Variants in TMEM132B observed in about 807,000 individuals in gnomAD.
TMEM132B encodes transmembrane protein 132B.
Under a neutral mutation model 90.8 loss-of-function variants are expected in TMEM132B, and 18 were observed. That is an observed-to-expected ratio of 0.20 (90% CI 0.14 to 0.29). The LOEUF is 0.29. TMEM132B is among the 10% of genes least tolerant of loss of function. TMEM132B has a pLI of 1.00. For missense variants in TMEM132B, 1,096 were observed against 1,326.8 expected, an observed-to-expected ratio of 0.83 and a Z score of 2.70; for synonymous variants, 504 against 523.3, an observed-to-expected ratio of 0.96 and a Z score of 0.50.
intron 3 of TMEM132B, among the ~76,000 whole-genome samples, chr12:125,482,496 A>G (rs571450987): frequency 5.5e-4 from 84 of 152,240 alleles, no homozygotes; most frequent in Non-Finnish European, 9.8e-4. Context: ...CAACAGACAC[A>G]TGGAAAAATG....
intron 1 of TMEM132B, among the ~76,000 whole-genome samples, chr12:125,316,308 T>A (rs1876271194): frequency 6.6e-6 from 1 of 152,182 alleles, no homozygotes; most frequent in South Asian, 2.1e-4. Context: ...CCTTTGAGAA[T>A]AAAATCCAAG....
chr12:125,493,874 C>T (rs1379531925), intron 3 of TMEM132B, among the ~76,000 whole-genome samples: 2 of 148,878 alleles, frequency 1.3e-5, no homozygotes, highest in Non-Finnish European at 3.0e-5. Context: ...TGGATGCGTC[C>T]CTCCTCCCCC....
At chr12:125,554,532 C>T (rs747479976) in intron 4 of TMEM132B, among the ~76,000 whole-genome samples, 4 of 148,932 alleles carry the variant, frequency 2.7e-5, no homozygotes, top group East Asian at 4.0e-4. Context: ...CTTTTCTCTG[C>T]GTTGGTGGAT....
chr12:125,389,357 C>T (rs1180809100), intron 2 of TMEM132B, among the ~76,000 whole-genome samples: 5 of 148,342 alleles, frequency 3.4e-5, no homozygotes, highest in Non-Finnish European at 6.0e-5. Flanking sequence ...CCTCAACTCC[C>T]CTCCCCTTCC....
chr12:125,358,121 T>C (rs80210554), intron 2 of TMEM132B, among the ~76,000 whole-genome samples: 1,878 of 152,070 alleles, frequency 0.012, 44 homozygotes, highest in African/African-American at 0.042. Context: ...CATGCTCCCA[T>C]CCCTAATCAA....
intron 1 of TMEM132B, among the ~76,000 whole-genome samples, chr12:125,313,854 G>A (rs1274369613): frequency 6.6e-6 from 1 of 150,844 alleles, no homozygotes; most frequent in East Asian, 2.0e-4. Context: ...TTTGACCAAA[G>A]GCTCCCTGCC....
chr12:125,205,383 C>G (rs1276170630), intron 1 of TMEM132B, among the ~76,000 whole-genome samples: 1 of 151,202 alleles, frequency 6.6e-6, no homozygotes, highest in Non-Finnish European at 1.5e-5. Context: ...AGGCAGGGTG[C>G]TCAGCCCTTT....
chr12:125,647,019 TAA>T (rs1393151184), intron 6 of TMEM132B, among the ~76,000 whole-genome samples: 1 of 151,964 alleles, frequency 6.6e-6, no homozygotes, highest in African/African-American at 2.4e-5. Flanking sequence ...ATATAACTTA[TAA>T]AAAAGAACCA....
intron 4 of TMEM132B, among the ~76,000 whole-genome samples, chr12:125,577,093 T>C (rs1295900038): frequency 6.6e-6 from 1 of 152,002 alleles, no homozygotes; most frequent in Non-Finnish European, 1.5e-5. Flanking sequence ...TGTTAGACTT[T>C]ATTAATGAAG....
intron 6 of TMEM132B, among the ~76,000 whole-genome samples, chr12:125,648,023 A>T (rs1886810746): frequency 6.7e-6 from 1 of 149,660 alleles, no homozygotes; most frequent in Non-Finnish European, 1.5e-5. Flanking sequence ...ATCTAGCATT[A>T]GGTATATCTC....
At chr12:125,336,223 T>A (rs147290620) in intron 1 of TMEM132B, among the ~76,000 whole-genome samples, 1 of 152,192 alleles carries the variant, frequency 6.6e-6, no homozygotes, top group Non-Finnish European at 1.5e-5. Flanking sequence ...TCTAGAGTGT[T>A]ATGTAAGTGC....
At chr12:125,631,556 G>T (rs950034053) in intron 5 of TMEM132B, among the ~76,000 whole-genome samples, 1 of 151,964 alleles carries the variant, frequency 6.6e-6, no homozygotes, top group Non-Finnish European at 1.5e-5. Flanking sequence ...ATTTTCTGTT[G>T]GAAAGATCTG....
chr12:125,458,878 A>G lies in TMEM132B; in HGVS notation c.1106+43201A>G, dbSNP rs961330286. Among the ~76,000 whole-genome samples the G allele has an allele frequency of 6.6e-6, 1 of 152,172 alleles. No homozygotes were observed. Among genetic ancestry groups the G allele is most frequent in the Non-Finnish European group, 1.5e-5 (1 of 68,014 alleles). ...ACCTGGCTGTCTTTATTTTAGTTCC[A>G]TGCTATGACACTCCTGACAGCACAG... On this transcript the variant is annotated intron_variant, in intron 3 of 8. Transcript: ENST00000682704. The surrounding 1 kb of genome is among the most constrained non-coding windows in gnomAD (Gnocchi z 4.9).
intron 2 of TMEM132B, among the ~76,000 whole-genome samples, chr12:125,414,510 G>A (rs916546316): frequency 6.6e-6 from 1 of 152,078 alleles, no homozygotes; most frequent in African/African-American, 2.4e-5. Context: ...ATGGGAGAGG[G>A]TGCCCAGGGC....
At chr12:125,298,648 G>C (rs1287710791) in intron 1 of TMEM132B, among the ~76,000 whole-genome samples, 19 of 131,010 alleles carry the variant, frequency 1.5e-4, no homozygotes, top group African/African-American at 5.6e-4. Flanking sequence ...CACTCCAGCC[G>C]GGGCGACAGA....
rs12580009 is a variant in TMEM132B, at chr12:125,213,637, T to C, written c.67+26771T>C. On this transcript the variant is annotated intron_variant, in intron 1 of 8. Transcript: ENST00000682704. This position sits in a 1 kb window ranked among gnomAD's most constrained non-coding sequence, Gnocchi z 4.2. ...TTCTCTATAAATTACTGTGTGATTT[T>C]TCTGTCTAGCACTTATCACTATCTG... 0.12 allele frequency among the ~76,000 whole-genome samples: 18,816 copies of C among 152,266 alleles called. 1,531 individuals are homozygous for C. Among genetic ancestry groups the C allele is most frequent in the East Asian group, 0.22 (1,163 of 5,184 alleles).
At chr12:125,519,295 C>G (rs1166091344) in intron 3 of TMEM132B, 144 bp from the exon 4 acceptor site, 1 of 803,148 alleles carries the variant, frequency 1.2e-6, no homozygotes, top group African/African-American at 1.7e-5. Context: ...GTGAATTAGG[C>G]TCCGACAACA....
rs866277997 is a variant in TMEM132B at position 125,191,758 on chromosome 12, A to T, written c.67+4892A>T. On this transcript the variant is annotated intron_variant, in intron 1 of 8. Coordinates refer to ENST00000682704, the MANE Select transcript of TMEM132B (RefSeq NM_001366854.1). ...AGATTCTGTGCCCCTGAGTGATTAG[A>T]TGGCTATGTTGAAGGGCAAGACTTT... is the stretch of plus-strand genomic sequence containing the variant. Among the ~76,000 whole-genome samples the T allele has an allele frequency of 2.6e-5, 4 of 152,318 alleles. No homozygotes were observed. In the South Asian group the frequency reaches 6.2e-4, roughly 24 times the overall value.
chr12:125,626,340 A>G (rs1886230554), intron 5 of TMEM132B, among the ~76,000 whole-genome samples: 1 of 152,214 alleles, frequency 6.6e-6, no homozygotes, highest in South Asian at 2.1e-4. Context: ...CAGTGCTTCA[A>G]CAAACATGGG....
Sources: gnomAD v4.1 joint callset for allele counts (sites outside exome capture counted in the v4.1 genomes callset) on GRCh38, gnomAD v4.1.1 for gene constraint, Gnocchi (gnomAD v3.1) non-coding constraint, MANE v1.5 for transcripts, NCBI Gene and HGNC (gene_info 2026-07-23, HGNC 2026-07-21) for gene names.